ABCD2: variants seen among roughly 807,000 people sequenced by gnomAD.
ABCD2 encodes the protein ATP-binding cassette sub-family D member 2.
A neutral mutation model predicts 70.9 loss-of-function variants in ABCD2; 36 were observed. The observed-to-expected ratio is 0.51, with a 90% CI of 0.39 to 0.67. ABCD2 has a LOEUF of 0.67. ABCD2 is among the 30% of genes least tolerant of loss of function. ABCD2 has a pLI of 0.00. For synonymous variants in ABCD2, 304 were observed against 306.9 expected, an observed-to-expected ratio of 0.99 and a Z score of 0.10; for missense variants, 729 against 890.2, an observed-to-expected ratio of 0.82 and a Z score of 2.30.
the ABCD2 span, among the ~76,000 whole-genome samples, chr12:39,538,923 A>G: frequency 2.0e-5 from 3 of 152,168 alleles, no homozygotes; most frequent in African/African-American, 7.2e-5. Context: ...CTTCCTGTTT[A>G]CAGAGGACTA....
chr12:39,616,215 C>T (rs997280391), intron 2 of ABCD2, among the ~76,000 whole-genome samples: 1 of 152,112 alleles, frequency 6.6e-6, no homozygotes, highest in Non-Finnish European at 1.5e-5. Flanking sequence ...GTAGAAAATA[C>T]TTCTTCAGTT....
At chr12:39,572,844 T>C (rs1941466394) in intron 9 of ABCD2, among the ~76,000 whole-genome samples, 1 of 152,122 alleles carries the variant, frequency 6.6e-6, no homozygotes, top group Non-Finnish European at 1.5e-5. Context: ...CCAAAGCATA[T>C]ATAGAGACAG....
At chr12:39,572,823 A>G (rs1941466022) in intron 9 of ABCD2, among the ~76,000 whole-genome samples, 1 of 152,206 alleles carries the variant, frequency 6.6e-6, no homozygotes, top group South Asian at 2.1e-4. Flanking sequence ...AGTCCTTTAG[A>G]AAACAGGAGG....
At position 39,619,097 on chromosome 12, in the gene ABCD2, C is replaced by T; in HGVS notation, c.519G>A (p.Leu173=). Residue 173 remains leucine, a synonymous_variant, in exon 1 of 10, where the codon TTG becomes TTA. Coordinates refer to ENST00000308666, the MANE Select transcript of ABCD2 (RefSeq NM_005164.4). ...AIRYLECKLA[L]AFRTRLVDHA... ...GGTCTACTAGGCGAGTTCTGAAGGCCAAAGCCAATTTGCATTCCAGGTACC... is the reference window on the plus strand; with the variant it reads ...GGTCTACTAGGCGAGTTCTGAAGGCTAAAGCCAATTTGCATTCCAGGTACC... The T allele has an allele frequency of 1.9e-6, 3 of 1,614,168 alleles. No homozygotes were observed. The highest frequency in any genetic ancestry group is 2.5e-6 in the Non-Finnish European group (3 of 1,180,034).
the ABCD2 span, among the ~76,000 whole-genome samples, chr12:39,535,721 A>C: frequency 1.3e-5 from 2 of 152,264 alleles, no homozygotes; most frequent in Non-Finnish European, 2.9e-5. Context: ...TTCATTCTAA[A>C]ATATACACAA....
At chr12:39,537,643 T>G in the ABCD2 span, among the ~76,000 whole-genome samples, 1 of 152,214 alleles carries the variant, frequency 6.6e-6, no homozygotes, top group Non-Finnish European at 1.5e-5. Flanking sequence ...CTAGCAATAA[T>G]GCTAGCTGAG....
intron 6 of ABCD2, among the ~76,000 whole-genome samples, chr12:39,588,407 TG>T (rs1941695807): frequency 6.6e-6 from 1 of 152,008 alleles, no homozygotes; most frequent in Non-Finnish European, 1.5e-5. Flanking sequence ...ATCCAATAAA[TG>T]CTCTTATCAA....
chr12:39,597,177 A>T (rs1359487406), intron 6 of ABCD2, among the ~76,000 whole-genome samples: 1 of 152,112 alleles, frequency 6.6e-6, no homozygotes, highest in Non-Finnish European at 1.5e-5. Flanking sequence ...TCTGAGCAAA[A>T]TATATTTTGT....
chr12:39,612,206 TC>T, intron 2 of ABCD2, among the ~76,000 whole-genome samples: 1 of 152,328 alleles, frequency 6.6e-6, no homozygotes, highest in African/African-American at 2.4e-5. Flanking sequence ...TAGCCTGTAA[TC>T]TAGCAGTTTT....
the ABCD2 span, among the ~76,000 whole-genome samples, chr12:39,544,060 G>C: frequency 2.0e-5 from 3 of 152,210 alleles, no homozygotes; most frequent in Admixed American, 6.5e-5. Context: ...CTGTGTGGGA[G>C]ACTGGAGTTT....
chr12:39,584,395 A>G (rs555238989), intron 7 of ABCD2, among the ~76,000 whole-genome samples: 1 of 152,058 alleles, frequency 6.6e-6, no homozygotes, highest in South Asian at 2.1e-4. Context: ...TTGTTTAAGT[A>G]CCTTATAGAT....
intron 7 of ABCD2, among the ~76,000 whole-genome samples, chr12:39,585,269 T>C (rs1043975390): frequency 2.6e-5 from 4 of 152,194 alleles, no homozygotes; most frequent in Non-Finnish European, 5.9e-5. Flanking sequence ...TTTCATTCTT[T>C]TTGTGGCAAT....
At chr12:39,545,796 G>C (rs1941020434), downstream of ABCD2, among the ~76,000 whole-genome samples, 2 of 152,076 alleles carry the variant, frequency 1.3e-5, no homozygotes, top group African/African-American at 4.8e-5. Context: ...TCATTGGCTT[G>C]ATAATAGTAA....
intron 2 of ABCD2, among the ~76,000 whole-genome samples, 176 bp from the exon 3 acceptor site, chr12:39,607,890 G>C (rs1163794783): frequency 6.6e-6 from 1 of 152,054 alleles, no homozygotes; most frequent in Non-Finnish European, 1.5e-5. Flanking sequence ...TGTTTGGGCT[G>C]GGTGCAGTGG....
chr12:39,544,137 T>G, the ABCD2 span, among the ~76,000 whole-genome samples: 18 of 152,046 alleles, frequency 1.2e-4, no homozygotes, highest in East Asian at 3.5e-3. Context: ...ACTTGGTGGG[T>G]GGGGGGAAGC....
intron 1 of ABCD2, 58 bp from the exon 2 acceptor site, chr12:39,617,226 T>C: frequency 8.9e-7 from 1 of 1,122,856 alleles, no homozygotes; most frequent in Non-Finnish European, 1.2e-6. Context: ...TATTATTCTT[T>C]TTTTTTTTTA....
chr12:39,549,996 G>C (rs1412764411), downstream of ABCD2: 1 of 151,724 alleles, frequency 6.6e-6, no homozygotes, highest in Non-Finnish European at 1.5e-5. Flanking sequence ...CTGACTGAGG[G>C]CATTCATTTT....
At chr12:39,568,526 G>A (rs11172644) in intron 9 of ABCD2, among the ~76,000 whole-genome samples, 11,167 of 152,080 alleles carry the variant, frequency 0.073, 598 homozygotes, top group South Asian at 0.28. Context: ...CTAGCCATTC[G>A]TCTAATTTTT....
intron 2 of ABCD2, among the ~76,000 whole-genome samples, chr12:39,610,670 T>A (rs961589539): frequency 1.4e-3 from 218 of 152,336 alleles, no homozygotes; most frequent in African/African-American, 5.0e-3. Flanking sequence ...TTTGCACAGA[T>A]GGACTGGCAT....
Sources: gnomAD v4.1 joint callset for allele counts (sites outside exome capture counted in the v4.1 genomes callset) on GRCh38, gnomAD v4.1.1 for gene constraint, MANE v1.5 for transcripts, NCBI Gene and HGNC (gene_info 2026-07-23, HGNC 2026-07-21) for gene names.